COL4A5: variants seen among roughly 807,000 people sequenced by gnomAD.
COL4A5 encodes collagen alpha-5(IV) chain.
Under a neutral mutation model 130.2 loss-of-function variants are expected in COL4A5, and 26 were observed. That is an observed-to-expected ratio of 0.20 (90% CI 0.15 to 0.28). The LOEUF (loss-of-function observed/expected upper bound fraction) is 0.28. Ranked by LOEUF, COL4A5 falls within the 10% of genes least tolerant of loss-of-function variation. The probability of loss-of-function intolerance (pLI) is 1.00; values close to 1 mark genes in which losing one functional copy is unlikely to be tolerated. For missense variants in COL4A5, 1,131 were observed against 1,344.3 expected (o/e 0.84, Z 2.48); for synonymous variants, 496 against 439.6 (o/e 1.13, Z -1.60).
intron 1 of COL4A5, among the ~76,000 whole-genome samples, chrX:108,471,378 A>G (rs2064768459): frequency 9.0e-6 from 1 of 111,476 alleles, no homozygotes; most frequent in Admixed American, 9.6e-5. Context: ...GGTTAGGTAT[A>G]TTCCTACATA....
intron 2 of COL4A5, among the ~76,000 whole-genome samples, chrX:108,547,929 TG>T (rs2065688727): frequency 1.8e-5 from 2 of 112,104 alleles, no homozygotes; most frequent in South Asian, 7.4e-4. Context: ...TATAATCTCC[TG>T]GTGTACCATG....
intron 1 of COL4A5, among the ~76,000 whole-genome samples, chrX:108,477,834 AAG>A (rs1491214768): frequency 3.7e-5 from 4 of 109,219 alleles, no homozygotes; most frequent in African/African-American, 1.0e-4. Flanking sequence ...AAAAAAAAAA[AAG>A]AAGAAGGAGA....
intron 1 of COL4A5, among the ~76,000 whole-genome samples, chrX:108,506,684 G>C (rs935550551): frequency 9.0e-6 from 1 of 111,318 alleles, no homozygotes; most frequent in African/African-American, 3.3e-5. Flanking sequence ...CTCACCTCCT[G>C]CTGTGTGGCC....
At chrX:108,585,038 T>C (rs1217172054) in intron 18 of COL4A5, among the ~76,000 whole-genome samples, 2 of 112,186 alleles carry the variant, frequency 1.8e-5, no homozygotes, top group Non-Finnish European at 3.8e-5. Flanking sequence ...TGTAGGAAGC[T>C]GCTTTATGAA....
chrX:108,631,149 G>A (rs2067250784), intron 36 of COL4A5, among the ~76,000 whole-genome samples: 1 of 111,632 alleles, frequency 9.0e-6, no homozygotes, highest in African/African-American at 3.3e-5. Context: ...CTCTTTTTTG[G>A]TTCCATGTGA....
chrX:108,597,945 C>T (rs777662249), intron 24 of COL4A5, among the ~76,000 whole-genome samples: 3 of 110,801 alleles, frequency 2.7e-5, no homozygotes, highest in Non-Finnish European at 5.7e-5. Context: ...AATCCCAGCA[C>T]TTTGCGAGGC....
chrX:108,646,213 G>C (rs796285431), intron 36 of COL4A5, among the ~76,000 whole-genome samples: 18 of 111,263 alleles, frequency 1.6e-4, no homozygotes, highest in Middle Eastern at 4.7e-3. Context: ...AAAAGTGTTC[G>C]TATTTCTCCA....
chrX:108,625,863 T>C lies in COL4A5; in HGVS notation c.3106+69T>C. 5.0e-6 allele frequency: 4 copies of C among 802,915 alleles called. No individual in the cohort carries two copies. In the South Asian group the frequency reaches 8.5e-5, roughly 17 times the overall value. The allele number at this position is 802,915 out of a possible 1,213,427, so 66.2% of individuals were successfully genotyped here. A position where few individuals can be genotyped will look rare whatever the true frequency, so the allele number is the denominator to read the frequency against. Reference sequence around the variant, plus strand: ...AGGTGGTTCAATATCTCTTTTTTTGTCAGAAAAGAGGCTGGTGTTGATAGA... The same window carrying C: ...AGGTGGTTCAATATCTCTTTTTTTGCCAGAAAAGAGGCTGGTGTTGATAGA... On this transcript the variant is annotated intron_variant, in intron 35 of 52. Coordinates refer to ENST00000328300, the MANE Select transcript of COL4A5 (RefSeq NM_033380.3).
chrX:108,475,428 C>T (rs191708909), intron 1 of COL4A5, among the ~76,000 whole-genome samples: 193 of 111,015 alleles, frequency 1.7e-3, no homozygotes, highest in Non-Finnish European at 3.1e-3. Flanking sequence ...ATTTGTTTTC[C>T]GTGCCTTGTT....
chrX:108,601,901 A>C lies in COL4A5; in HGVS notation c.2058A>C (p.Pro686=). 1 of 1,157,033 alleles carries C rather than the reference A, an allele frequency of 8.6e-7. No homozygotes were observed. The highest frequency in any genetic ancestry group is 1.2e-6 in the Non-Finnish European group (1 of 858,703). ...DVGLPGDPGL[P]GQPGLPGIPG... ...TCTCCATAGGTGACCCTGGACTTCC[A>C]GGGCAACCAGGCTTGCCAGGGATAC... Residue 686 remains proline (P), a synonymous_variant, in exon 27 of 53, where the codon CCA becomes CCC. Transcript: ENST00000328300.
rs1468537418 is a variant in COL4A5 at position 108,696,339 on chromosome X, A to C, written c.5037A>C (p.Thr1679=). 7 of 1,208,861 alleles carry C rather than the reference A, an allele frequency of 5.8e-6. No homozygotes were observed. In the African/African-American group the frequency reaches 8.7e-5, roughly 15 times the overall value. The change falls in exon 53 of 53, where the codon ACA becomes ACC. Residue 1679 remains threonine, a synonymous_variant. Transcript: ENST00000328300. ...SETLKAGDLR[T]RISRCQVCMK... is the part of the protein sequence containing the mutation. ...CGCTGAAAGCAGGAGACTTGAGGAC[A>C]CGAATTAGCCGATGTCAAGTGTGCA...
chrX:108,583,869 G>C (rs1382957046), intron 17 of COL4A5, among the ~76,000 whole-genome samples: 1 of 109,675 alleles, frequency 9.1e-6, no homozygotes, highest in Non-Finnish European at 1.9e-5. Flanking sequence ...TTTTCATGCT[G>C]TTGTAGCTAC....
chrX:108,637,514 C>T (rs73528373), intron 36 of COL4A5, among the ~76,000 whole-genome samples: 1,934 of 111,417 alleles, frequency 0.017, 54 homozygotes, highest in African/African-American at 0.059. Flanking sequence ...AAAGTTGTTT[C>T]TTCAAAAAGA....
At position 108,528,253 on chromosome X, in the gene COL4A5, A is replaced by G. The variant is rs747862470; in HGVS notation, c.82-11493A>G. The stretch of plus-strand genomic sequence containing the variant: ...CATACCCTAACACACCAAGGAAACC[A>G]TAAACACCACTAATGCTGTTTACAG... On this transcript the variant is annotated intron_variant, in intron 1 of 52. Coordinates refer to ENST00000328300, the MANE Select transcript of COL4A5 (RefSeq NM_033380.3). Among the ~76,000 whole-genome samples the G allele has an allele frequency of 1.5e-3, 173 of 112,496 alleles. 1 individual carries two copies. The highest frequency in any genetic ancestry group is 9.3e-3 in the Middle Eastern group (2 of 215).
intron 1 of COL4A5, among the ~76,000 whole-genome samples, chrX:108,522,155 G>A (rs1331180902): frequency 9.0e-6 from 1 of 110,634 alleles, no homozygotes; most frequent in Non-Finnish European, 1.9e-5. Context: ...CCTCTTTATT[G>A]CCAAATAATA....
At chrX:108,473,626 TA>T in intron 1 of COL4A5, among the ~76,000 whole-genome samples, 2 of 43,015 alleles carry the variant, frequency 4.6e-5, no homozygotes, top group African/African-American at 8.7e-5. Context: ...TATATATATA[TA>T]TATATATTTT....
At chrX:108,683,448 G>T in intron 47 of COL4A5, among the ~76,000 whole-genome samples, 1 of 111,351 alleles carries the variant, frequency 9.0e-6, no homozygotes, top group Admixed American at 9.6e-5. Context: ...ATAGTAGCTT[G>T]ATGGGGATAG....
At chrX:108,576,026 A>C in intron 10 of COL4A5, 54 bp downstream of exon 10, 1 of 702,253 alleles carries the variant, frequency 1.4e-6, no homozygotes, top group Non-Finnish European at 2.2e-6. Context: ...GACTTCTTTC[A>C]GGAATATTAA....
chrX:108,670,190 A>G lies in COL4A5; in HGVS notation c.3791-38A>G, dbSNP rs757203263. 37 of 1,201,791 alleles carry G rather than the reference A, an allele frequency of 3.1e-5. No homozygotes were observed. In the East Asian group the frequency reaches 1.1e-3, roughly 35 times the overall value. On this transcript the variant is annotated intron_variant, in intron 41 of 52. Coordinates refer to ENST00000328300, the MANE Select transcript of COL4A5 (RefSeq NM_033380.3). Reference sequence around the variant, plus strand: ...TTGATATTTTTCCTTTTTGTTAATGATGACATTGGGCCTTGGTGAACTTTG... The same window carrying G: ...TTGATATTTTTCCTTTTTGTTAATGGTGACATTGGGCCTTGGTGAACTTTG...
Sources: gnomAD v4.1 joint callset for allele counts (sites outside exome capture counted in the v4.1 genomes callset) on GRCh38, gnomAD v4.1.1 for gene constraint, MANE v1.5 for transcripts, NCBI Gene and HGNC (gene_info 2026-07-23, HGNC 2026-07-21) for gene names.